Variants in STIM1 observed in about 807,000 individuals in gnomAD.
STIM1 encodes the protein stromal interaction molecule 1.
STIM1 carries 25 observed loss-of-function variants against 74.7 expected under a neutral mutation model. The observed-to-expected ratio is 0.33, with a 90% CI of 0.24 to 0.47. STIM1 has a LOEUF of 0.47. STIM1 is among the 20% of genes least tolerant of loss of function. The pLI, the probability that STIM1 is intolerant of heterozygous loss-of-function variation, is 1.00. For missense variants in STIM1, 728 were observed against 920.8 expected, an observed-to-expected ratio of 0.79 and a Z score of 2.71; for synonymous variants, 328 against 348.8, an observed-to-expected ratio of 0.94 and a Z score of 0.66.
At chr11:4,047,966 G>A (rs917066408) in intron 3 of STIM1, among the ~76,000 whole-genome samples, 30 of 151,978 alleles carry the variant, frequency 2.0e-4, no homozygotes, top group African/African-American at 7.3e-4. Flanking sequence ...CTGAAGGTGC[G>A]TGCCACCACG....
chr11:4,076,191 A>C (rs1004074269), intron 7 of STIM1, among the ~76,000 whole-genome samples: 1 of 152,042 alleles, frequency 6.6e-6, no homozygotes, highest in Non-Finnish European at 1.5e-5. Flanking sequence ...CAGTTTTTTA[A>C]AATGATTGAT....
chr11:3,873,857 T>C (rs1029721277), intron 1 of STIM1, among the ~76,000 whole-genome samples: 1 of 152,258 alleles, frequency 6.6e-6, no homozygotes. Context: ...AATTCAGTGA[T>C]AAAAATTAGG....
intron 1 of STIM1, among the ~76,000 whole-genome samples, chr11:3,868,917 G>C (rs1301737421): frequency 6.6e-6 from 1 of 151,854 alleles, no homozygotes; most frequent in African/African-American, 2.4e-5. Context: ...TAAGATGTAT[G>C]GTCACATTTT....
chr11:3,912,612 C>A (rs543008784), intron 1 of STIM1, among the ~76,000 whole-genome samples: 1 of 152,084 alleles, frequency 6.6e-6, no homozygotes, highest in Non-Finnish European at 1.5e-5. Context: ...GTGATCCACC[C>A]GCCTTGGCCT....
At chr11:3,878,360 G>C (rs905696889) in intron 1 of STIM1, among the ~76,000 whole-genome samples, 5 of 152,152 alleles carry the variant, frequency 3.3e-5, no homozygotes, top group African/African-American at 1.2e-4. Context: ...TGATGAAACT[G>C]AGGCCCAGAG....
At chr11:4,045,689 C>T (rs986425644) in intron 3 of STIM1, among the ~76,000 whole-genome samples, 8 of 151,406 alleles carry the variant, frequency 5.3e-5, no homozygotes, top group African/African-American at 1.9e-4. Context: ...TGGGCTCAGG[C>T]GATCCACCTG....
At chr11:3,934,048 C>A (rs977371920) in intron 1 of STIM1, among the ~76,000 whole-genome samples, 9 of 152,136 alleles carry the variant, frequency 5.9e-5, no homozygotes, top group Admixed American at 5.2e-4. Context: ...CCTGCCTCAT[C>A]ATCTGGAGAT....
intron 1 of STIM1, among the ~76,000 whole-genome samples, chr11:3,929,555 A>G (rs757437221): frequency 3.3e-5 from 5 of 152,296 alleles, no homozygotes; most frequent in Middle Eastern, 3.4e-3. Context: ...ACTTGGGCTT[A>G]TAAATCAGAG....
intron 2 of STIM1, among the ~76,000 whole-genome samples, chr11:4,023,336 C>CAAACAAAA (rs977313118): frequency 6.6e-6 from 1 of 151,858 alleles, no homozygotes; most frequent in African/African-American, 2.4e-5. Context: ...TCAAGACAAA[C>CAAACAAAA]AAACAAACAA....
Position 3,903,862 on chromosome 11 carries a change from T to C in STIM1, c.139+47453T>C, listed in dbSNP as rs1038447701. On this transcript the variant is annotated intron_variant, in intron 1 of 12. Coordinates refer to ENST00000526596, the MANE Select transcript of STIM1 (RefSeq NM_001382567.1). ...CTGAGACACCCATAAACAAGTGCAC[T>C]CTGTACAGTGTCACAAGTGCTACAA... Among the ~76,000 whole-genome samples the C allele has an allele frequency of 5.5e-4, 84 of 152,120 alleles. 1 individual carries two copies. Among genetic ancestry groups the C allele is most frequent in the Non-Finnish European group, 1.8e-4 (12 of 68,018 alleles).
chr11:4,084,043 A>C (rs67065286), intron 10 of STIM1, among the ~76,000 whole-genome samples: 37,135 of 151,994 alleles, frequency 0.24, 5,615 homozygotes, highest in South Asian at 0.45. Context: ...CTGGCTTTCC[A>C]CCTGGACTCT....
intron 1 of STIM1, among the ~76,000 whole-genome samples, chr11:3,961,015 T>C (rs2093279397): frequency 6.6e-6 from 1 of 152,180 alleles, no homozygotes. Flanking sequence ...GGTGATTTTT[T>C]TTTTTTGGAG....
upstream of STIM1, chr11:3,854,807 G>GA (rs1224111055): frequency 6.6e-6 from 1 of 152,408 alleles, no homozygotes; most frequent in East Asian, 1.9e-4. Context: ...AGGCGGGGTC[G>GA]GGAAAGCAGA....
At chr11:3,866,474 T>C (rs2090861655) in intron 1 of STIM1, among the ~76,000 whole-genome samples, 1 of 150,848 alleles carries the variant, frequency 6.6e-6, no homozygotes, top group South Asian at 2.1e-4. Flanking sequence ...GTCCCCTGGC[T>C]GGAGTGCAGT....
intron 1 of STIM1, among the ~76,000 whole-genome samples, chr11:3,892,011 T>C (rs538292857): frequency 6.6e-6 from 1 of 152,370 alleles, no homozygotes; most frequent in Non-Finnish European, 1.5e-5. Flanking sequence ...ATCCCTTGTC[T>C]AGCAGAGTGT....
chr11:3,953,466 C>T (rs1274576901), intron 1 of STIM1, among the ~76,000 whole-genome samples: 1 of 152,172 alleles, frequency 6.6e-6, no homozygotes, highest in East Asian at 1.9e-4. Context: ...GTTAGTAATG[C>T]CAGGGAGCCC....
At chr11:4,045,417 G>T (rs1001905275) in intron 3 of STIM1, among the ~76,000 whole-genome samples, 7 of 151,686 alleles carry the variant, frequency 4.6e-5, no homozygotes. Flanking sequence ...TCATTTTCAG[G>T]AATAATACGT....
chr11:4,079,412 A>G (rs2094453540), intron 7 of STIM1, among the ~76,000 whole-genome samples: 1 of 151,932 alleles, frequency 6.6e-6, no homozygotes, highest in Non-Finnish European at 1.5e-5. Flanking sequence ...CGTCTCTACT[A>G]AAAATACAAG....
At chr11:4,059,601 A>G (rs1371542842) in intron 5 of STIM1, among the ~76,000 whole-genome samples, 1 of 152,232 alleles carries the variant, frequency 6.6e-6, no homozygotes, top group Non-Finnish European at 1.5e-5. Context: ...CTTTAAGGAA[A>G]TATCTGCATT....
Sources: gnomAD v4.1 joint callset for allele counts (sites outside exome capture counted in the v4.1 genomes callset) on GRCh38, gnomAD v4.1.1 for gene constraint, MANE v1.5 for transcripts, NCBI Gene and HGNC (gene_info 2026-07-23, HGNC 2026-07-21) for gene names.